The following ARID1B variants were observed in gnomAD, a reference collection of about 807,000 sequenced individuals.
The protein encoded by ARID1B is AT-rich interactive domain-containing protein 1B.
ARID1B carries 30 observed loss-of-function variants against 212.3 expected under a neutral mutation model. The observed-to-expected ratio is 0.14, with a 90% CI of 0.11 to 0.19. ARID1B has a LOEUF of 0.19. ARID1B is among the 10% of genes least tolerant of loss of function. The probability of loss-of-function intolerance (pLI) is 1.00; values close to 1 mark genes in which losing one functional copy is unlikely to be tolerated. For missense variants in ARID1B, 2,891 were observed against 3,204.0 expected (o/e 0.90, Z 2.36); for synonymous variants, 1,402 against 1,301.7 (o/e 1.08, Z -1.66).
At chr6:156,803,145 A>G (rs1020097236) in intron 1 of ARID1B, among the ~76,000 whole-genome samples, 2 of 152,132 alleles carry the variant, frequency 1.3e-5, no homozygotes, top group African/African-American at 4.8e-5. Flanking sequence ...CTTCCAAGCA[A>G]CGATGTTTTC....
At chr6:156,899,085 A>G (rs1052405131) in intron 2 of ARID1B, among the ~76,000 whole-genome samples, 1 of 152,246 alleles carries the variant, frequency 6.6e-6, no homozygotes, top group Non-Finnish European at 1.5e-5. Flanking sequence ...AGAGAGCACT[A>G]CAACTTCTAG....
intron 4 of ARID1B, 104 bp downstream of exon 4, chr6:156,935,680 G>A: frequency 9.6e-7 from 1 of 1,044,826 alleles, no homozygotes; most frequent in Non-Finnish European, 1.4e-6. Context: ...TGATTGAGAA[G>A]TTTCTAGACT....
chr6:157,077,648 G>A (rs532961463), intron 4 of ARID1B, among the ~76,000 whole-genome samples: 3 of 152,212 alleles, frequency 2.0e-5, no homozygotes, highest in East Asian at 1.9e-4. Flanking sequence ...ACATTTACCC[G>A]TCAGTCTGTC....
rs1554247377 is a variant in ARID1B, at chr6:156,778,292, A to AGCAGCAGCAGCAACAG, written c.612_613insGCAGCAGCAGCAACAG (p.Gln205AlafsTer115). 1.3e-6 allele frequency: 2 copies of AGCAGCAGCAGCAACAG among 1,518,258 alleles called. No homozygotes were observed. The highest frequency in any genetic ancestry group is 3.1e-5 in the African/African-American group (2 of 64,388). The allele number at this position is 1,518,258 out of a possible 1,614,324, so 94.0% of individuals were successfully genotyped here. A position where few individuals can be genotyped will look rare whatever the true frequency, so the allele number is the denominator to read the frequency against. On this transcript the variant is annotated frameshift_variant, in exon 1 of 20. Coordinates refer to ENST00000636930, the MANE Select transcript of ARID1B (RefSeq NM_001374828.1). LOFTEE classifies it high-confidence loss of function. ...TCCAGCAGCAGCAGCAGCAGCAGCA[A>AGCAGCAGCAGCAACAG]CAGCAGCAGCAGCAGCAGCAGCAAC...
At chr6:156,824,096 TTTC>T (rs1782579035) in intron 1 of ARID1B, among the ~76,000 whole-genome samples, 1 of 152,222 alleles carries the variant, frequency 6.6e-6, no homozygotes, top group South Asian at 2.1e-4. Flanking sequence ...AGACAATGTA[TTTC>T]TTCCTTAGAG....
chr6:157,130,123 C>T (rs529226118), intron 6 of ARID1B, among the ~76,000 whole-genome samples: 19 of 151,656 alleles, frequency 1.3e-4, no homozygotes, highest in African/African-American at 4.1e-4. Flanking sequence ...GAGATGAGAT[C>T]GTGCCACTGC....
intron 4 of ARID1B, among the ~76,000 whole-genome samples, chr6:157,020,159 A>G (rs1385621606): frequency 6.6e-6 from 1 of 152,354 alleles, no homozygotes; most frequent in East Asian, 1.9e-4. Context: ...CGTTCAGGAA[A>G]TGTTTTATTT....
At chr6:157,010,002 C>T (rs923638675) in intron 4 of ARID1B, among the ~76,000 whole-genome samples, 2 of 152,184 alleles carry the variant, frequency 1.3e-5, no homozygotes, top group Admixed American at 1.3e-4. Context: ...TTTTTAGTAG[C>T]TCTTACCCCT....
At position 157,082,847 on chromosome 6, in the gene ARID1B, A is replaced by C. The variant is rs1227704196; in HGVS notation, c.2248-1815A>C. Among the ~76,000 whole-genome samples, 12 of 152,210 alleles carry C rather than the reference A, an allele frequency of 7.9e-5. 1 individual carries two copies. The highest frequency in any genetic ancestry group is 7.2e-4 in the Admixed American group (11 of 15,282). The stretch of plus-strand genomic sequence containing the variant: ...GTGGAATGAAGACGTTTTCTGTTTT[A>C]CTTAGAAAGATATTCTTCTTAGCAG... On this transcript the variant is annotated intron_variant, in intron 4 of 19. Coordinates refer to ENST00000636930, the MANE Select transcript of ARID1B (RefSeq NM_001374828.1).
At chr6:156,817,039 C>T (rs1344256975) in intron 1 of ARID1B, among the ~76,000 whole-genome samples, 1 of 149,006 alleles carries the variant, frequency 6.7e-6, no homozygotes, top group African/African-American at 2.5e-5. Flanking sequence ...AATTATCGCA[C>T]GTTAGAACAA....
At chr6:156,812,670 T>G (rs1185086210) in intron 1 of ARID1B, among the ~76,000 whole-genome samples, 1 of 152,114 alleles carries the variant, frequency 6.6e-6, no homozygotes, top group Non-Finnish European at 1.5e-5. Context: ...CTCTTTCATC[T>G]AAATCTTTGT....
At chr6:157,131,568 G>A (rs1438074670) in intron 6 of ARID1B, among the ~76,000 whole-genome samples, 1 of 152,172 alleles carries the variant, frequency 6.6e-6, no homozygotes, top group Non-Finnish European at 1.5e-5. Flanking sequence ...AGTGGAGGGG[G>A]AGAAAGCTCT....
chr6:156,841,102 G>A (rs1163954520), intron 2 of ARID1B, among the ~76,000 whole-genome samples: 1 of 152,190 alleles, frequency 6.6e-6, no homozygotes, highest in African/African-American at 2.4e-5. Context: ...CACATGTGGT[G>A]GAAGAACAGG....
At chr6:156,855,281 G>A (rs1447026522) in intron 2 of ARID1B, among the ~76,000 whole-genome samples, 1 of 152,170 alleles carries the variant, frequency 6.6e-6, no homozygotes, top group Non-Finnish European at 1.5e-5. Context: ...CGAGCACATT[G>A]TTTTTTGATT....
intron 5 of ARID1B, among the ~76,000 whole-genome samples, chr6:157,098,187 C>CG (rs140429711): frequency 0.056 from 8,582 of 152,064 alleles, 363 homozygotes; most frequent in Non-Finnish European, 0.088. Flanking sequence ...ATAAACCATC[C>CG]CTCTATTTGG....
intron 1 of ARID1B, among the ~76,000 whole-genome samples, chr6:156,827,131 T>C (rs1308663367): frequency 6.6e-6 from 1 of 152,176 alleles, no homozygotes; most frequent in Non-Finnish European, 1.5e-5. Context: ...TCCTCTCTGC[T>C]GACTTCTCTA....
intron 4 of ARID1B, among the ~76,000 whole-genome samples, chr6:156,979,284 C>T (rs1450677562): frequency 5.3e-5 from 8 of 152,136 alleles, no homozygotes; most frequent in Admixed American, 5.2e-4. Flanking sequence ...GGAAACTTAC[C>T]TTTCTAGGTC....
chr6:157,138,794 T>G (rs905402364), intron 7 of ARID1B, among the ~76,000 whole-genome samples: 1 of 152,234 alleles, frequency 6.6e-6, no homozygotes, highest in Non-Finnish European at 1.5e-5. Context: ...GTTTTTTGGT[T>G]AAATCGACAG....
intron 9 of ARID1B, chr6:157,169,067 GC>G (rs1465108169): frequency 6.6e-6 from 1 of 150,840 alleles, no homozygotes; most frequent in African/African-American, 2.5e-5. Context: ...GTGACGCAGA[GC>G]GTTACAGCAC....
Sources: allele counts gnomAD v4.1 joint callset (sites outside exome capture counted in the v4.1 genomes callset), GRCh38; gene constraint gnomAD v4.1.1; transcripts MANE v1.5; gene names NCBI Gene and HGNC (gene_info 2026-07-23, HGNC 2026-07-21).